The following RAD51D variants were observed in gnomAD, a reference collection of about 807,000 sequenced individuals.
The protein encoded by RAD51D is DNA repair protein RAD51 homolog 4.
In RAD51D, 38 loss-of-function variants were observed where a neutral mutation model predicts 44.1. The observed-to-expected ratio is 0.86, with a 90% CI of 0.67 to 1.13. RAD51D has a LOEUF of 1.13. Among genes scored for constraint, RAD51D ranks in the 50% most tolerant of loss-of-function variants. The pLI, the probability that RAD51D is intolerant of heterozygous loss-of-function variation, is 0.00. For missense variants in RAD51D, 390 were observed against 414.0 expected, an observed-to-expected ratio of 0.94 and a Z score of 0.50; for synonymous variants, 141 against 166.6, an observed-to-expected ratio of 0.85 and a Z score of 1.18.
rs746648963 is a variant in RAD51D, at chr17:35,107,398, T to C, written c.313A>G (p.Ile105Val). The C allele has an allele frequency of 1.3e-6, 2 of 1,566,122 alleles. No individual in the cohort carries two copies. Among genetic ancestry groups the C allele is most frequent in the East Asian group, 2.2e-5 (1 of 44,652 alleles). Reference protein sequence around the residue: ...AGLYTGEVTEIVGGPGSGKTQ... With the variant: ...AGLYTGEVTEVVGGPGSGKTQ... ...TTGCCGCTACCTGGGCCTCCTACAA[T>C]TTCAGTCACTTCTCCAGTATAGAGA... Residue 105 changes from isoleucine (I) to valine (V), a missense_variant, in exon 4 of 10, where the codon ATT becomes GTT. Physicochemically the swap from Ile to Val is conservative, Grantham distance 29. Coordinates refer to ENST00000345365, the MANE Select transcript of RAD51D (RefSeq NM_002878.4).
At chr17:35,118,474 CCTT>C (rs746889357) in intron 3 of RAD51D, 24 bp downstream of exon 3, 5 of 1,593,842 alleles carry the variant, frequency 3.1e-6, no homozygotes, top group Admixed American at 1.7e-5. Flanking sequence ...CTGCCTCTCT[CCTT>C]CTTCCCCAAG....
rs201361465 is a variant in RAD51D, at chr17:35,118,623, C to T, written c.145-4G>A. 149 of 1,612,382 alleles carry T rather than the reference C, an allele frequency of 9.2e-5. No individual in the cohort carries two copies. In the East Asian group the frequency reaches 9.4e-4, roughly 10 times the overall value. ...CCCGCCTCAGGGCAACCAGGGCCTGCCAAAGGGCCCCAGACTGCTCAGCAA... is the reference window on the plus strand; with the variant it reads ...CCCGCCTCAGGGCAACCAGGGCCTGTCAAAGGGCCCCAGACTGCTCAGCAA... On this transcript the variant is annotated splice_polypyrimidine_tract_variant and splice_region_variant and intron_variant, in intron 2 of 9. Coordinates refer to ENST00000345365, the MANE Select transcript of RAD51D (RefSeq NM_002878.4).
Position 35,103,102 on chromosome 17 carries a change from A to AT in RAD51D, c.738+151dup. 1 of 724,160 alleles carries AT rather than the reference A, an allele frequency of 1.4e-6. No homozygotes were observed. Among genetic ancestry groups the AT allele is most frequent in the Non-Finnish European group, 2.5e-6 (1 of 404,144 alleles). The allele number at this position is 724,160 out of a possible 1,614,324, so 44.9% of individuals were successfully genotyped here. ...AAGACGATTCCTGATTCCCTTAGCT[A>AT]TTTATGGTGCAAAGCTGTAGCTGAC... is the stretch of plus-strand genomic sequence containing the variant. On this transcript the variant is annotated intron_variant, in intron 8 of 9. Coordinates refer to ENST00000345365, the MANE Select transcript of RAD51D (RefSeq NM_002878.4). This position sits in a 1 kb window ranked among gnomAD's most constrained non-coding sequence, Gnocchi z 4.1.
chr17:35,107,269 T>C, intron 4 of RAD51D, 97 bp downstream of exon 4: 1 of 1,456,790 alleles, frequency 6.9e-7, no homozygotes, highest in South Asian at 1.1e-5. Context: ...TGTTGGGCTC[T>C]GAACCCATTA....
rs774590973 is a variant in RAD51D at position 35,106,981 on chromosome 17, C to T, written c.480+7G>A. The T allele has an allele frequency of 6.2e-7, 1 of 1,614,206 alleles. No homozygotes were observed. Among genetic ancestry groups the T allele is most frequent in the East Asian group, 2.2e-5 (1 of 44,886 alleles). ...AATCTCAATGGAACCCAGCATCCTG[C>T]CCTTACCTGTTCCTCCTCATCCTGG... On this transcript the variant is annotated splice_region_variant and intron_variant, in intron 5 of 9. Transcript: ENST00000345365.
chr17:35,115,351 G>A (rs755430010), intron 3 of RAD51D: 8 of 501,326 alleles, frequency 1.6e-5, no homozygotes, highest in South Asian at 1.0e-4. Context: ...GGCCTATAAG[G>A]AATAATCAAT....
At position 35,108,160 on chromosome 17, in the gene RAD51D, G is replaced by A. The variant is rs1246526108; in HGVS notation, c.264-713C>T. Among the ~76,000 whole-genome samples the A allele has an allele frequency of 5.9e-5, 9 of 151,342 alleles. No individual in the cohort carries two copies. In the East Asian group the frequency reaches 7.9e-4, roughly 13 times the overall value. ...CTCAGGAGGCTGAGGCAGGAGAATC[G>A]CTTGAACCCAGGAGGTGGAGGTTAC... is the stretch of plus-strand genomic sequence containing the variant. On this transcript the variant is annotated intron_variant, in intron 3 of 9. Transcript: ENST00000345365.
intron 6 of RAD51D, chr17:35,106,131 G>C (rs1278633896): frequency 3.1e-6 from 2 of 646,210 alleles, no homozygotes; most frequent in Non-Finnish European, 5.9e-6. Context: ...CACTCACCTA[G>C]TGGGGAATGC....
rs8067218 is a variant in RAD51D, at chr17:35,106,625, A to G, written c.481-144T>C. On this transcript the variant is annotated intron_variant, in intron 5 of 9. Transcript: ENST00000345365. The stretch of plus-strand genomic sequence containing the variant: ...GCTTTGTCTAATGGTCAGTTGTCAC[A>G]GTGGTGGCTGCCTGGGTGCTGAGCT... The G allele has an allele frequency of 7.6e-3, 5,441 of 720,366 alleles. 208 individuals are homozygous for G. The African/African-American group carries it at 0.085, about 11-fold the overall frequency. 44.6% of individuals were successfully genotyped at this position (720,366 alleles called of 1,614,324 possible).
chr17:35,101,365 C>A lies in RAD51D; in HGVS notation c.739G>T (p.Val247Leu), dbSNP rs1060502952. The A allele has an allele frequency of 6.2e-7, 1 of 1,613,500 alleles. No individual in the cohort carries two copies. Among genetic ancestry groups the A allele is most frequent in the Non-Finnish European group, 8.5e-7 (1 of 1,179,980 alleles). Residue 247 changes from valine to leucine, a missense_variant and splice_region_variant, in exon 9 of 10, where the codon GTG becomes TTG. Coordinates refer to ENST00000345365, the MANE Select transcript of RAD51D (RefSeq NM_002878.4). ...CTGTCTCGAGTTATGTGGTTGGTCACCTGCAGCAGAAACAGACTTACAGAT... is the reference window on the plus strand; with the variant it reads ...CTGTCTCGAGTTATGTGGTTGGTCAACTGCAGCAGAAACAGACTTACAGAT... ...LARDLGMAVVVTNHITRDRDS... is the reference protein window; with the variant it reads ...LARDLGMAVVLTNHITRDRDS...
chr17:35,114,179 G>A (rs1421597547), intron 3 of RAD51D, among the ~76,000 whole-genome samples: 1 of 152,136 alleles, frequency 6.6e-6, no homozygotes, highest in African/African-American at 2.4e-5. Flanking sequence ...GGCTGAAGCA[G>A]GAGAATGGCA....
intron 6 of RAD51D, among the ~76,000 whole-genome samples, chr17:35,104,037 C>A (rs1046624351): frequency 1.2e-4 from 19 of 152,118 alleles, no homozygotes; most frequent in African/African-American, 4.3e-4. Context: ...GAGATCACAC[C>A]GCTGCATTCC....
intron 2 of RAD51D, 86 bp downstream of exon 2, chr17:35,119,025 C>T (rs943470571): frequency 3.8e-6 from 5 of 1,314,140 alleles, no homozygotes; most frequent in Admixed American, 3.4e-5. Context: ...GCTGGGATTA[C>T]AGGCATGAGC....
At position 35,094,709 on chromosome 17, in the gene RAD51D, T is replaced by C. The variant is rs1432775112; in HGVS notation, c.*6244A>G. 6.6e-6 allele frequency: 1 copy of C among 152,218 alleles called. No homozygotes were observed. Among genetic ancestry groups the C allele is most frequent in the African/African-American group, 2.4e-5 (1 of 41,450 alleles). The allele number at this position is 152,218 out of a possible 1,614,324, so 9.4% of individuals were successfully genotyped here. ...AAATGGGTTTGGTATCAGGCAGACA[T>C]GTGTCTGGATTCCCGTGCTGCCACT... is the stretch of plus-strand genomic sequence containing the variant. On this transcript the variant is annotated 3_prime_UTR_variant, in exon 10 of 10. Transcript: ENST00000345365.
chr17:35,106,592 G>T (rs1404594771), intron 5 of RAD51D, 111 bp from the exon 6 acceptor site: 6 of 802,082 alleles, frequency 7.5e-6, no homozygotes, highest in Non-Finnish European at 8.4e-6. Flanking sequence ...GTCCAGGGTG[G>T]CAAATGAGCT....
intron 3 of RAD51D, among the ~76,000 whole-genome samples, chr17:35,115,971 AAG>A (rs2091737994): frequency 6.8e-6 from 1 of 147,594 alleles, no homozygotes; most frequent in African/African-American, 2.5e-5. Context: ...GAAAGAAAGA[AAG>A]AAAGAAAGAA....
rs771372627 is a variant in RAD51D at position 35,107,399 on chromosome 17, T to G, written c.312A>C (p.Glu104Asp). The G allele has an allele frequency of 6.4e-7, 1 of 1,566,456 alleles. No homozygotes were observed. Among genetic ancestry groups the G allele is most frequent in the Admixed American group, 1.7e-5 (1 of 59,938 alleles). ...TGCCGCTACCTGGGCCTCCTACAAT[T>G]TCAGTCACTTCTCCAGTATAGAGAC... is the stretch of plus-strand genomic sequence containing the variant. ...DAGLYTGEVT[E>D]IVGGPGSGKT... The change falls in exon 4 of 10, where the codon GAA becomes GAC. Residue 104 changes from glutamate (E) to aspartate (D), a missense_variant. Coordinates refer to ENST00000345365, the MANE Select transcript of RAD51D (RefSeq NM_002878.4).
intron 3 of RAD51D, 106 bp downstream of exon 3, chr17:35,118,395 G>T: frequency 1.1e-6 from 1 of 919,952 alleles, no homozygotes; most frequent in Non-Finnish European, 1.8e-6. Flanking sequence ...TCCATTATTG[G>T]TTAAAAAAAA....
intron 6 of RAD51D, among the ~76,000 whole-genome samples, chr17:35,104,161 G>T (rs183358604): frequency 1.3e-5 from 2 of 152,272 alleles, no homozygotes; most frequent in Admixed American, 1.3e-4. Context: ...GAGGCCTCTG[G>T]TCATGGATCT....
Sources: allele counts gnomAD v4.1 joint callset (sites outside exome capture counted in the v4.1 genomes callset), GRCh38; gene constraint gnomAD v4.1.1; non-coding constraint Gnocchi (gnomAD v3.1); transcripts MANE v1.5; gene names NCBI Gene and HGNC (gene_info 2026-07-23, HGNC 2026-07-21).